The following BEND2 variants were observed in gnomAD, a reference collection of about 807,000 sequenced individuals.
The protein encoded by BEND2 is BEN domain-containing protein 2.
Under a neutral mutation model 43.8 loss-of-function variants are expected in BEND2, and 19 were observed. That is an observed-to-expected ratio of 0.43 (90% CI 0.30 to 0.64). The LOEUF is 0.64. BEND2 is among the 30% of genes least tolerant of loss of function. The pLI is 0.11. For missense variants in BEND2, 544 were observed against 574.0 expected (o/e 0.95, Z 0.53); for synonymous variants, 226 against 210.1 (o/e 1.08, Z -0.66).
chrX:18,215,071 A>T (rs1014416924), intron 2 of BEND2, among the ~76,000 whole-genome samples: 1 of 111,393 alleles, frequency 9.0e-6, no homozygotes, highest in African/African-American at 3.3e-5. Context: ...TCTGTTTTCC[A>T]CTGTGGGACA....
chrX:18,184,759 G>A (rs1404541114), intron 8 of BEND2, among the ~76,000 whole-genome samples: 1 of 110,746 alleles, frequency 9.0e-6, no homozygotes, highest in Non-Finnish European at 1.9e-5. Context: ...CCAGACAGAC[G>A]AACATCCACA....
At chrX:18,180,685 A>G in intron 8 of BEND2, 35 bp from the exon 9 acceptor site, 1 of 1,090,653 alleles carries the variant, frequency 9.2e-7, no homozygotes. Context: ...ACAATTCTAT[A>G]TCCAGCAAAA....
At chrX:18,207,071 C>T (rs922826084) in intron 4 of BEND2, among the ~76,000 whole-genome samples, 6 of 110,827 alleles carry the variant, frequency 5.4e-5, no homozygotes, top group Non-Finnish European at 1.1e-4. Context: ...GGACCCTGGC[C>T]TAGCAGTGCA....
In BEND2 at chrX:18,164,977, T is replaced by TAAA. The variant is rs374435315; in HGVS notation, c.*29_*31dup. 1 of 1,056,504 alleles carries TAAA rather than the reference T, an allele frequency of 9.5e-7. No individual in the cohort carries two copies. The allele number at this position is 1,056,504 out of a possible 1,213,427, so 87.1% of individuals were successfully genotyped here. A position where few individuals can be genotyped will look rare whatever the true frequency, so the allele number is the denominator to read the frequency against. On this transcript the variant is annotated 3_prime_UTR_variant, in exon 14 of 14. Coordinates refer to ENST00000380033, the MANE Select transcript of BEND2 (RefSeq NM_153346.5). ...AAACTTACAAAATAGTCTTAACAGT[T>TAAA]AAAAAAAAAAAAAAAGTTTGGCAGC...
chrX:18,188,230 G>A (rs944363875), intron 8 of BEND2, among the ~76,000 whole-genome samples: 10 of 111,050 alleles, frequency 9.0e-5, no homozygotes, highest in African/African-American at 3.3e-4. Flanking sequence ...TACAAAAAAT[G>A]AAATGAAAGA....
chrX:18,188,665 C>T (rs1330703786), intron 8 of BEND2, among the ~76,000 whole-genome samples: 3 of 111,444 alleles, frequency 2.7e-5, no homozygotes, highest in African/African-American at 9.8e-5. Context: ...AGCTCAAGAC[C>T]CAAAGGCTTC....
At chrX:18,170,482 C>T (rs1923940083) in intron 13 of BEND2, among the ~76,000 whole-genome samples, 1 of 112,457 alleles carries the variant, frequency 8.9e-6, no homozygotes, top group African/African-American at 3.2e-5. Flanking sequence ...TACATCTTTG[C>T]TGGGTGCCAG....
chrX:18,186,802 C>CA (rs1924588448), intron 8 of BEND2, among the ~76,000 whole-genome samples: 1 of 108,496 alleles, frequency 9.2e-6, no homozygotes, highest in Non-Finnish European at 1.9e-5. Flanking sequence ...CCTATCACTA[C>CA]AAAAAATACA....
chrX:18,219,560 A>C (rs1252906271), intron 1 of BEND2, among the ~76,000 whole-genome samples: 1 of 112,886 alleles, frequency 8.9e-6, no homozygotes, highest in Non-Finnish European at 1.9e-5. Flanking sequence ...TCTATGTCTC[A>C]ACCGCAAAAT....
In BEND2 at chrX:18,201,803, T is replaced by C. The variant is rs1315156482; in HGVS notation, c.1033+12A>G. On this transcript the variant is annotated intron_variant, in intron 6 of 13. Coordinates refer to ENST00000380033, the MANE Select transcript of BEND2 (RefSeq NM_153346.5). Reference sequence around the variant, plus strand: ...CCACCACGCCCAGCATTATGTATCATTTCAAACTCACCAAAATAGGGAGGG... The same window carrying C: ...CCACCACGCCCAGCATTATGTATCACTTCAAACTCACCAAAATAGGGAGGG... The C allele has an allele frequency of 8.3e-7, 1 of 1,203,503 alleles. No homozygotes were observed. Among genetic ancestry groups the C allele is most frequent in the Admixed American group, 2.2e-5 (1 of 44,857 alleles).
intron 8 of BEND2, among the ~76,000 whole-genome samples, chrX:18,185,265 A>G (rs1924525860): frequency 9.1e-6 from 1 of 109,717 alleles, no homozygotes; most frequent in Non-Finnish European, 1.9e-5. Context: ...GCAGTGGCTC[A>G]TGCCTGCAAT....
At chrX:18,179,179 GTTTTTTTTTTTTT>G (rs1164362773) in intron 9 of BEND2, among the ~76,000 whole-genome samples, 64 of 58,385 alleles carry the variant, frequency 1.1e-3, no homozygotes, top group Admixed American at 3.1e-3. Flanking sequence ...TTTTGTTTCT[GTTTTTTTTTTTTT>G]TTTTTTTTTT....
chrX:18,201,222 C>T (rs1453182874), intron 6 of BEND2, among the ~76,000 whole-genome samples: 3 of 107,750 alleles, frequency 2.8e-5, no homozygotes, highest in African/African-American at 1.0e-4. Context: ...GGAGAAACCT[C>T]GTCTCTACTA....
chrX:18,207,281 AT>A (rs1011003017), intron 4 of BEND2, among the ~76,000 whole-genome samples: 1 of 111,789 alleles, frequency 8.9e-6, no homozygotes, highest in African/African-American at 3.2e-5. Context: ...GGTAAGAAAC[AT>A]TTTTTTTAAT....
At chrX:18,190,897 T>C in intron 8 of BEND2, 104 bp downstream of exon 8, 2 of 651,131 alleles carry the variant, frequency 3.1e-6, no homozygotes, top group East Asian at 3.6e-5. Context: ...TTTTGTAAAA[T>C]AGTACTATTG....
intron 6 of BEND2, 92 bp downstream of exon 6, chrX:18,201,723 T>C (rs951734059): frequency 8.2e-6 from 8 of 975,879 alleles, no homozygotes; most frequent in Non-Finnish European, 1.1e-5. Context: ...AAACTTCTGA[T>C]GTCAGGTGAT....
rs369845738 is a variant in BEND2, at chrX:18,170,988, A to G, written c.2185+13T>C. ...GCTTTTATTTATTCAGACATACTCTATGTGTAACAAACCTCGGAGAGCACT... is the reference window on the plus strand; with the variant it reads ...GCTTTTATTTATTCAGACATACTCTGTGTGTAACAAACCTCGGAGAGCACT... On this transcript the variant is annotated intron_variant, in intron 13 of 13. Transcript: ENST00000380033. 4.1e-6 allele frequency: 5 copies of G among 1,206,550 alleles called. No homozygotes were observed. In the East Asian group the frequency reaches 1.5e-4, roughly 36 times the overall value.
chrX:18,176,560 G>A (rs1307707379), intron 10 of BEND2, among the ~76,000 whole-genome samples: 1 of 108,484 alleles, frequency 9.2e-6, no homozygotes, highest in East Asian at 2.9e-4. Context: ...GCACCTGTGG[G>A]CCTAGCTACT....
intron 6 of BEND2, among the ~76,000 whole-genome samples, chrX:18,200,337 T>C (rs1179570518): frequency 9.1e-6 from 1 of 109,883 alleles, no homozygotes; most frequent in East Asian, 2.9e-4. Context: ...ACCCTGTCTC[T>C]ACCAAAAATA....
Sources: gnomAD v4.1 joint callset for allele counts (sites outside exome capture counted in the v4.1 genomes callset) on GRCh38, gnomAD v4.1.1 for gene constraint, MANE v1.5 for transcripts, NCBI Gene and HGNC (gene_info 2026-07-23, HGNC 2026-07-21) for gene names.